PDE1C: variants seen among roughly 807,000 people sequenced by gnomAD.
The protein encoded by PDE1C is dual specificity calcium/calmodulin-dependent 3',5'-cyclic nucleotide phosphodiesterase 1C.
Under a neutral mutation model 93.1 loss-of-function variants are expected in PDE1C, and 62 were observed. The observed-to-expected ratio is 0.67, with a 90% CI of 0.54 to 0.82. The LOEUF (loss-of-function observed/expected upper bound fraction) is 0.82. Ranked by LOEUF, PDE1C falls within the 40% of genes least tolerant of loss-of-function variation. The pLI is 0.00. For missense variants in PDE1C, 742 were observed against 884.6 expected, an observed-to-expected ratio of 0.84 and a Z score of 2.04; for synonymous variants, 325 against 310.1, an observed-to-expected ratio of 1.05 and a Z score of -0.50.
chr7:32,416,545 C>G (rs1479354059), intron 1 of PDE1C, among the ~76,000 whole-genome samples: 1 of 152,156 alleles, frequency 6.6e-6, no homozygotes, highest in African/African-American at 2.4e-5. Context: ...TTTTTTTAAA[C>G]TTGTGATTAA....
intron 17 of PDE1C, among the ~76,000 whole-genome samples, chr7:31,762,969 C>T (rs973832494): frequency 2.6e-5 from 4 of 152,124 alleles, no homozygotes; most frequent in Admixed American, 1.3e-4. Context: ...TTCTCAATCC[C>T]GGGTGCACAT....
rs113402950 is a variant in PDE1C at position 32,160,608 on chromosome 7, G to A, written c.308+9177C>T. Among the ~76,000 whole-genome samples the A allele has an allele frequency of 1.2e-3, 189 of 152,266 alleles. 1 individual carries two copies. The highest frequency in any genetic ancestry group is 4.3e-3 in the African/African-American group (177 of 41,548). On this transcript the variant is annotated intron_variant, in intron 3 of 18. Transcript: ENST00000396193. ...TGTGATCCTGGCACTCTGGGAGGTC[G>A]AGGTGGGTGGATCACTTGAGGCCAG... is the stretch of plus-strand genomic sequence containing the variant.
At chr7:31,989,176 A>T (rs998084779) in intron 2 of PDE1C, among the ~76,000 whole-genome samples, 1 of 151,974 alleles carries the variant, frequency 6.6e-6, no homozygotes. Context: ...AATAATAATG[A>T]TATTTTGGAC....
chr7:31,715,336 T>G, the PDE1C span, among the ~76,000 whole-genome samples: 3 of 152,120 alleles, frequency 2.0e-5, no homozygotes, highest in East Asian at 5.8e-4. Flanking sequence ...CCTCCCAGAT[T>G]CAAGCGATTC....
chr7:31,870,906 T>C (rs1478756888), intron 6 of PDE1C, among the ~76,000 whole-genome samples: 1 of 151,740 alleles, frequency 6.6e-6, no homozygotes, highest in African/African-American at 2.4e-5. Context: ...TTTTATGGTA[T>C]TAGTATAAAA....
chr7:31,999,016 A>G (rs1320050501), intron 2 of PDE1C, among the ~76,000 whole-genome samples: 1 of 152,210 alleles, frequency 6.6e-6, no homozygotes, highest in Non-Finnish European at 1.5e-5. Context: ...GGGCTCAGTA[A>G]CAGAAGAACT....
At chr7:31,659,785 A>G in the PDE1C span, among the ~76,000 whole-genome samples, 1 of 152,212 alleles carries the variant, frequency 6.6e-6, no homozygotes, top group South Asian at 2.1e-4. Flanking sequence ...CAAATCATGT[A>G]GAGCTATAGC....
chr7:32,122,268 T>C (rs985011410), intron 3 of PDE1C, among the ~76,000 whole-genome samples: 7 of 152,156 alleles, frequency 4.6e-5, no homozygotes, highest in African/African-American at 1.2e-4. Context: ...CAAACAATAA[T>C]AGTGGGAGAC....
intron 9 of PDE1C, among the ~76,000 whole-genome samples, chr7:31,846,262 C>T (rs1162019987): frequency 6.5e-5 from 9 of 138,300 alleles, no homozygotes; most frequent in East Asian, 6.3e-4. Flanking sequence ...GACGGAGTCT[C>T]GCTCTGTCAC....
intron 1 of PDE1C, among the ~76,000 whole-genome samples, chr7:32,215,468 G>T (rs1312341456): frequency 2.0e-5 from 3 of 152,180 alleles, no homozygotes. Flanking sequence ...TAAAGGACAT[G>T]TTCCCCTGGT....
chr7:31,991,501 A>C (rs936382529), intron 2 of PDE1C, among the ~76,000 whole-genome samples: 14 of 152,200 alleles, frequency 9.2e-5, no homozygotes, highest in African/African-American at 2.2e-4. Flanking sequence ...CTTTGCCTTC[A>C]CATAGTTACC....
intron 1 of PDE1C, among the ~76,000 whole-genome samples, chr7:32,246,841 A>C (rs77589806): frequency 0.014 from 2,071 of 152,354 alleles, 53 homozygotes; most frequent in African/African-American, 0.046. Flanking sequence ...CTATCACAAT[A>C]CATAGCATGT....
the PDE1C span, among the ~76,000 whole-genome samples, chr7:31,647,938 A>G: frequency 6.6e-6 from 1 of 152,252 alleles, no homozygotes; most frequent in African/African-American, 2.4e-5. Flanking sequence ...ATTTTCACAT[A>G]TAAGTGAGTT....
At chr7:31,926,136 TAC>T (rs58101155) in intron 2 of PDE1C, among the ~76,000 whole-genome samples, 3 of 151,102 alleles carry the variant, frequency 2.0e-5, no homozygotes, top group Non-Finnish European at 4.4e-5. Flanking sequence ...CGTCTGTACA[TAC>T]ACACACACAC....
intron 15 of PDE1C, among the ~76,000 whole-genome samples, chr7:31,811,715 G>A (rs1257515248): frequency 6.6e-6 from 1 of 152,064 alleles, no homozygotes; most frequent in Non-Finnish European, 1.5e-5. Context: ...ATGTCTTCTG[G>A]AAGTCGTGGA....
chr7:31,968,497 G>A (rs1269523339), intron 2 of PDE1C, among the ~76,000 whole-genome samples: 3 of 152,108 alleles, frequency 2.0e-5, no homozygotes, highest in East Asian at 1.9e-4. Flanking sequence ...ATGCTCATGG[G>A]TAGGAAGAAT....
In PDE1C at chr7:32,147,984, T is replaced by TAAAAAAA. The variant is rs752433564; in HGVS notation, c.308+21794_308+21800dup. On this transcript the variant is annotated intron_variant, in intron 3 of 18. Transcript: ENST00000396193. Reference sequence around the variant, plus strand: ...AACTTGCCTCTCAACCCATTTATGCTAAAAAAAAAAAAAAAAAAAAAGCCT... The same window carrying TAAAAAAA: ...AACTTGCCTCTCAACCCATTTATGCTAAAAAAAAAAAAAAAAAAAAAAAAAAAAGCCT... 4.9e-4 allele frequency among the ~76,000 whole-genome samples: 39 copies of TAAAAAAA among 79,708 alleles called. 4 individuals carry two copies. Among genetic ancestry groups the TAAAAAAA allele is most frequent in the African/African-American group, 1.5e-3 (26 of 17,878 alleles). The allele number at this position is 79,708 out of a possible 152,430, so 52.3% of individuals were successfully genotyped here. A position where few individuals can be genotyped will look rare whatever the true frequency, so the allele number is the denominator to read the frequency against.
At chr7:32,333,043 T>A (rs1282374364) in intron 1 of PDE1C, among the ~76,000 whole-genome samples, 1 of 152,148 alleles carries the variant, frequency 6.6e-6, no homozygotes, top group Non-Finnish European at 1.5e-5. Context: ...TGTACATCAA[T>A]AAAAATGTAC....
At chr7:32,403,333 G>A (rs1320248725) in intron 1 of PDE1C, among the ~76,000 whole-genome samples, 2 of 152,152 alleles carry the variant, frequency 1.3e-5, no homozygotes, top group Admixed American at 6.5e-5. Context: ...TCTCTCCACT[G>A]TAGATTTCCA....
Sources: allele counts gnomAD v4.1 joint callset (sites outside exome capture counted in the v4.1 genomes callset), GRCh38; gene constraint gnomAD v4.1.1; transcripts MANE v1.5; gene names NCBI Gene and HGNC (gene_info 2026-07-23, HGNC 2026-07-21).